PRKCB: variants seen among roughly 807,000 people sequenced by gnomAD.
PRKCB encodes protein kinase C beta, also known as protein kinase C beta type.
In PRKCB, 13 loss-of-function variants were observed where a neutral mutation model predicts 81.5. The ratio of observed to expected loss-of-function variants is 0.16; its 90% confidence interval spans 0.10 to 0.25. The LOEUF (loss-of-function observed/expected upper bound fraction) is 0.25, where lower values mean the gene tolerates loss of function less well. Ranked by LOEUF, PRKCB falls within the 10% of genes least tolerant of loss-of-function variation. The pLI is 1.00. For synonymous variants in PRKCB, 335 were observed against 321.4 expected (o/e 1.04, Z -0.45); for missense variants, 509 against 875.7 (o/e 0.58, Z 5.29).
At chr16:23,992,060 C>T (rs1459359697) in intron 3 of PRKCB, among the ~76,000 whole-genome samples, 3 of 152,236 alleles carry the variant, frequency 2.0e-5, no homozygotes, top group Non-Finnish European at 4.4e-5. Flanking sequence ...CCAGAGATAT[C>T]CGTCACCCCT....
intron 6 of PRKCB, 143 bp from the exon 7 acceptor site, chr16:24,094,020 C>A: frequency 1.0e-6 from 1 of 972,002 alleles, no homozygotes; most frequent in Non-Finnish European, 1.5e-6. Flanking sequence ...GAGAGCTAGC[C>A]TGGGATGGAA....
chr16:24,183,768 G>A (rs971038844), intron 13 of PRKCB, among the ~76,000 whole-genome samples: 3 of 152,196 alleles, frequency 2.0e-5, no homozygotes, highest in Non-Finnish European at 4.4e-5. Context: ...AGGATTCAAA[G>A]TCAGACTGCC....
At chr16:24,014,473 G>A (rs1220088304) in intron 3 of PRKCB, among the ~76,000 whole-genome samples, 1 of 152,188 alleles carries the variant, frequency 6.6e-6, no homozygotes, top group Non-Finnish European at 1.5e-5. Flanking sequence ...GCCCCCTGGG[G>A]AATACCAAGC....
chr16:24,172,218 G>A, intron 10 of PRKCB, 52 bp from the exon 11 acceptor site: 2 of 1,373,462 alleles, frequency 1.5e-6, no homozygotes, highest in South Asian at 2.4e-5. Flanking sequence ...TGTCCATTTG[G>A]AGCCCCAGAA....
intron 2 of PRKCB, among the ~76,000 whole-genome samples, chr16:23,955,395 G>A (rs570430529): frequency 6.6e-6 from 1 of 152,212 alleles, no homozygotes; most frequent in East Asian, 1.9e-4. Context: ...CCATGCCCCT[G>A]TGTGCCATAT....
chr16:24,105,552 GC>G (rs1966565086), intron 7 of PRKCB, among the ~76,000 whole-genome samples: 1 of 152,006 alleles, frequency 6.6e-6, no homozygotes, highest in Non-Finnish European at 1.5e-5. Context: ...CCCCTAACAG[GC>G]CCCGGTGTGT....
At chr16:24,165,883 CT>C (rs71154285) in intron 10 of PRKCB, among the ~76,000 whole-genome samples, 2,157 of 93,940 alleles carry the variant, frequency 0.023, 15 homozygotes, top group African/African-American at 0.059. Context: ...TTCTTTCTTT[CT>C]TTTTTTTTTT....
At chr16:23,886,416 T>G (rs1303198020) in intron 2 of PRKCB, among the ~76,000 whole-genome samples, 3 of 115,064 alleles carry the variant, frequency 2.6e-5, no homozygotes, top group Non-Finnish European at 3.8e-5. Context: ...GTTTTTTTTT[T>G]TTTTTTTTTT....
At chr16:24,028,442 C>A (rs1443888637) in intron 3 of PRKCB, among the ~76,000 whole-genome samples, 3 of 152,210 alleles carry the variant, frequency 2.0e-5, no homozygotes, top group African/African-American at 7.2e-5. Context: ...AATATATAGA[C>A]CACTCCAATA....
At chr16:24,012,127 T>G (rs1965211341) in intron 3 of PRKCB, among the ~76,000 whole-genome samples, 1 of 152,228 alleles carries the variant, frequency 6.6e-6, no homozygotes. Context: ...TCTTGCTCTG[T>G]GTTCCCAGAC....
At chr16:24,037,947 G>C (rs1405036493) in intron 5 of PRKCB, among the ~76,000 whole-genome samples, 1 of 152,082 alleles carries the variant, frequency 6.6e-6, no homozygotes, top group African/African-American at 2.4e-5. Flanking sequence ...CAGCGCTTTG[G>C]AAGACCGAGG....
chr16:24,154,906 G>T, intron 10 of PRKCB, 49 bp downstream of exon 10: 1 of 1,576,658 alleles, frequency 6.3e-7, no homozygotes, highest in Admixed American at 1.8e-5. Context: ...GCTTCACCAG[G>T]CTTTGGCCAA....
chr16:24,025,113 C>T (rs1965459054), intron 3 of PRKCB, among the ~76,000 whole-genome samples: 1 of 152,198 alleles, frequency 6.6e-6, no homozygotes, highest in Non-Finnish European at 1.5e-5. Context: ...TGTTTCCCTG[C>T]AACTTGCCGA....
chr16:23,906,046 G>T (rs1235060123), intron 2 of PRKCB, among the ~76,000 whole-genome samples: 5 of 152,118 alleles, frequency 3.3e-5, no homozygotes, highest in Admixed American at 2.6e-4. Context: ...ACCTCTGTGG[G>T]TTTGACGACG....
chr16:24,081,704 C>T (rs1431222320), intron 5 of PRKCB, among the ~76,000 whole-genome samples: 3 of 151,894 alleles, frequency 2.0e-5, no homozygotes, highest in Non-Finnish European at 2.9e-5. Flanking sequence ...GAAACCCCCA[C>T]ATCTACTAAA....
chr16:24,146,061 A>G (rs1030501295), intron 9 of PRKCB, among the ~76,000 whole-genome samples: 3 of 152,194 alleles, frequency 2.0e-5, no homozygotes, highest in Non-Finnish European at 2.9e-5. Context: ...GAAGAATACC[A>G]GGGGAAGACA....
chr16:23,934,678 C>T (rs933567372), intron 2 of PRKCB, among the ~76,000 whole-genome samples: 7 of 152,102 alleles, frequency 4.6e-5, no homozygotes, highest in Admixed American at 2.6e-4. Flanking sequence ...AGTGTTTATA[C>T]GTGCGCCTAA....
At chr16:24,032,524 T>C (rs920590948) in intron 4 of PRKCB, among the ~76,000 whole-genome samples, 2 of 152,204 alleles carry the variant, frequency 1.3e-5, no homozygotes, top group African/African-American at 2.4e-5. Flanking sequence ...CATGAACTCA[T>C]GGTTCATGGT....
At chr16:24,139,331 T>C (rs1221801708) in intron 9 of PRKCB, among the ~76,000 whole-genome samples, 1 of 152,082 alleles carries the variant, frequency 6.6e-6, no homozygotes, top group Non-Finnish European at 1.5e-5. Context: ...CAGCCCAGAG[T>C]GTGAAAATAG....
Sources: gnomAD v4.1 joint callset for allele counts (sites outside exome capture counted in the v4.1 genomes callset) on GRCh38, gnomAD v4.1.1 for gene constraint, MANE v1.5 for transcripts, NCBI Gene and HGNC (gene_info 2026-07-23, HGNC 2026-07-21) for gene names.